Variants in EPHB2 observed in about 807,000 individuals in gnomAD.
The protein encoded by EPHB2 is ephrin type-B receptor 2.
EPHB2 carries 18 observed loss-of-function variants against 96.4 expected under a neutral mutation model. That is an observed-to-expected ratio of 0.19 (90% CI 0.13 to 0.28). EPHB2 has a LOEUF of 0.28. Among genes scored for constraint, EPHB2 ranks in the 10% least tolerant of loss-of-function variants. The probability of loss-of-function intolerance (pLI) is 1.00; values close to 1 mark genes in which losing one functional copy is unlikely to be tolerated. For missense variants in EPHB2, 989 were observed against 1,355.4 expected (o/e 0.73, Z 4.25); for synonymous variants, 506 against 534.1 (o/e 0.95, Z 0.72).
intron 5 of EPHB2, among the ~76,000 whole-genome samples, chr1:22,870,566 T>A (rs4291474): frequency 6.6e-6 from 1 of 152,022 alleles, no homozygotes; most frequent in African/African-American, 2.4e-5. Context: ...GAGGAGGTGG[T>A]GTTTAAGCTG....
At chr1:22,774,608 A>G in intron 1 of EPHB2, 1 of 985,320 alleles carries the variant, frequency 1.0e-6, no homozygotes, top group Non-Finnish European at 1.2e-6. Flanking sequence ...GGATGGCTGG[A>G]TACGAGAGAC....
chr1:22,796,474 G>A lies in EPHB2; in HGVS notation c.811+11398G>A, dbSNP rs540351018. Reference sequence around the variant, plus strand: ...TCACAGTAACCTGCTTGCCCAATGAGACAACAGGCCAAGGAGAGGGCTGTG... The same window carrying A: ...TCACAGTAACCTGCTTGCCCAATGAAACAACAGGCCAAGGAGAGGGCTGTG... On this transcript the variant is annotated intron_variant, in intron 3 of 15. Transcript: ENST00000374630. 1.8e-4 allele frequency among the ~76,000 whole-genome samples: 28 copies of A among 152,318 alleles called. No homozygotes were observed. The South Asian group carries it at 5.4e-3, about 29-fold the overall frequency.
chr1:22,863,177 G>T lies in EPHB2; in HGVS notation c.952G>T (p.Asp318Tyr). 6.2e-7 allele frequency: 1 copy of T among 1,614,184 alleles called. No homozygotes were observed. The highest frequency in any genetic ancestry group is 8.5e-7 in the Non-Finnish European group (1 of 1,180,040). Residue 318 changes from aspartate (D) to tyrosine (Y), a missense_variant, in exon 4 of 16, where the codon GAC (aspartate) becomes TAC (tyrosine). By Grantham distance (160) the Asp-to-Tyr change is radical. Transcript: ENST00000374630. ...GYYRADLDPL[D>Y]MPCTTIPSAP... ...CTACAGAGCAGACCTGGACCCCCTG[G>T]ACATGCCCTGCACAAGTAAGTCCTA...
intron 1 of EPHB2, among the ~76,000 whole-genome samples, chr1:22,737,256 C>T (rs1355114964): frequency 6.6e-6 from 1 of 152,146 alleles, no homozygotes; most frequent in African/African-American, 2.4e-5. Flanking sequence ...CTGAACCCCA[C>T]AAAGCATCAC....
At chr1:22,806,882 GC>G (rs1266129794) in intron 3 of EPHB2, among the ~76,000 whole-genome samples, 2 of 152,068 alleles carry the variant, frequency 1.3e-5, no homozygotes, top group Admixed American at 6.6e-5. Flanking sequence ...AGCTTTGTGG[GC>G]CCCCCCTCGT....
rs561629781 is a variant in EPHB2, at chr1:22,912,136, C to T, written c.2697-308C>T. Among the ~76,000 whole-genome samples, 183 of 152,320 alleles carry T rather than the reference C, an allele frequency of 1.2e-3. 1 individual carries two copies. The highest frequency in any genetic ancestry group is 2.9e-3 in the Admixed American group (45 of 15,292). ...GCATGGAGCTGCGTCTTCCCCTCCT[C>T]ACTTCCGAGGTCCAGCCTCTTGGCC... On this transcript the variant is annotated intron_variant, in intron 14 of 15. Coordinates refer to ENST00000374630, the MANE Select transcript of EPHB2 (RefSeq NM_017449.5).
chr1:22,717,723 G>A (rs1643328990), intron 1 of EPHB2, among the ~76,000 whole-genome samples: 1 of 152,158 alleles, frequency 6.6e-6, no homozygotes, highest in Non-Finnish European at 1.5e-5. Context: ...CAGCACCCTC[G>A]TGCCCCTGGC....
intron 3 of EPHB2, among the ~76,000 whole-genome samples, chr1:22,811,146 A>C (rs1570320841): frequency 6.6e-6 from 1 of 152,118 alleles, no homozygotes; most frequent in African/African-American, 2.4e-5. Flanking sequence ...TCCGTAGCCC[A>C]TGTGTGTATG....
rs1639524475 is a variant in EPHB2, at chr1:22,895,399, C to G, written c.1592-73C>G. 4.2e-6 allele frequency: 6 copies of G among 1,414,700 alleles called. No individual in the cohort carries two copies. In the South Asian group the frequency reaches 6.9e-5, roughly 16 times the overall value. The allele number at this position is 1,414,700 out of a possible 1,614,324, so 87.6% of individuals were successfully genotyped here. On this transcript the variant is annotated intron_variant, in intron 7 of 15. Coordinates refer to ENST00000374630, the MANE Select transcript of EPHB2 (RefSeq NM_017449.5). Reference sequence around the variant, plus strand: ...GATCCCAGGAGACCCAGCAGCATGGCAGGGGGTAGGGGACAAGGGTATTAC... The same window carrying G: ...GATCCCAGGAGACCCAGCAGCATGGGAGGGGGTAGGGGACAAGGGTATTAC...
intron 1 of EPHB2, among the ~76,000 whole-genome samples, chr1:22,773,557 T>G (rs1315244729): frequency 6.6e-6 from 1 of 152,220 alleles, no homozygotes; most frequent in African/African-American, 2.4e-5. Flanking sequence ...TGTCTGTTCA[T>G]CTTCAGCTTC....
At chr1:22,886,680 G>A (rs977852752) in intron 6 of EPHB2, among the ~76,000 whole-genome samples, 2 of 146,028 alleles carry the variant, frequency 1.4e-5, no homozygotes, top group Non-Finnish European at 3.0e-5. Context: ...AGGCTGGAGT[G>A]CAGTGGCACA....
Position 22,781,573 on chromosome 1 carries a change from C to T in EPHB2, c.126+88C>T, listed in dbSNP as rs1644533605. On this transcript the variant is annotated intron_variant, in intron 2 of 15. Coordinates refer to ENST00000374630, the MANE Select transcript of EPHB2 (RefSeq NM_017449.5). ...CCCGAATGCCCCCTCATATTCTAAC[C>T]CCTTTCCCCCTCTTCAGGACCCAGA... The T allele has an allele frequency of 1.1e-5, 15 of 1,344,308 alleles. No individual in the cohort carries two copies. The South Asian group carries it at 1.7e-4, about 15-fold the overall frequency. 83.3% of individuals were successfully genotyped at this position (1,344,308 alleles called of 1,614,324 possible).
At chr1:22,843,277 A>G (rs988525446) in intron 3 of EPHB2, among the ~76,000 whole-genome samples, 1 of 152,240 alleles carries the variant, frequency 6.6e-6, no homozygotes, top group African/African-American at 2.4e-5. Flanking sequence ...TCCCAAGACC[A>G]TGCAGAAAGC....
chr1:22,742,994 C>T (rs1167788747), intron 1 of EPHB2, among the ~76,000 whole-genome samples: 2 of 151,464 alleles, frequency 1.3e-5, no homozygotes, highest in Non-Finnish European at 2.9e-5. Flanking sequence ...TTGGCTCAAG[C>T]GATCCTCCCA....
At chr1:22,772,804 C>T (rs576812508) in intron 1 of EPHB2, among the ~76,000 whole-genome samples, 29 of 152,260 alleles carry the variant, frequency 1.9e-4, no homozygotes, top group African/African-American at 6.5e-4. Flanking sequence ...CTTTACAGGG[C>T]GTGCAGAGGG....
At chr1:22,877,317 G>A (rs1638873711) in intron 5 of EPHB2, among the ~76,000 whole-genome samples, 1 of 152,206 alleles carries the variant, frequency 6.6e-6, no homozygotes, top group South Asian at 2.1e-4. Context: ...GCCTTGTAGG[G>A]TTGATAGGAG....
intron 5 of EPHB2, among the ~76,000 whole-genome samples, chr1:22,866,540 A>G (rs376337866): frequency 2.6e-5 from 4 of 152,262 alleles, no homozygotes; most frequent in African/African-American, 7.2e-5. Flanking sequence ...CTGGGATTAC[A>G]AACAAGAGCT....
At chr1:22,719,448 T>TCACAGGGCCCACATTCC (rs1553157840) in intron 1 of EPHB2, 1 of 154,332 alleles carries the variant, frequency 6.5e-6, no homozygotes, top group African/African-American at 2.4e-5. Flanking sequence ...CAATCTGGTT[T>TCACAGGGCCCACATTCC]CACAGGGCCC....
At chr1:22,762,491 C>G (rs1644248747) in intron 1 of EPHB2, among the ~76,000 whole-genome samples, 1 of 152,052 alleles carries the variant, frequency 6.6e-6, no homozygotes, top group African/African-American at 2.4e-5. Flanking sequence ...CCCTCTGGGC[C>G]CATTTCCTCC....
Sources: gnomAD v4.1 joint callset for allele counts (sites outside exome capture counted in the v4.1 genomes callset) on GRCh38, gnomAD v4.1.1 for gene constraint, MANE v1.5 for transcripts, NCBI Gene and HGNC (gene_info 2026-07-23, HGNC 2026-07-21) for gene names.